PLCH1: variants seen among roughly 807,000 people sequenced by gnomAD.
PLCH1 encodes the protein 1-phosphatidylinositol 4,5-bisphosphate phosphodiesterase eta-1.
A neutral mutation model predicts 126.7 loss-of-function variants in PLCH1; 60 were observed. The ratio of observed to expected loss-of-function variants is 0.47; its 90% CI spans 0.38 to 0.59. The LOEUF (loss-of-function observed/expected upper bound fraction) is 0.59, where lower values mean the gene tolerates loss of function less well. Among genes scored for constraint, PLCH1 ranks in the 20% least tolerant of loss-of-function variants. The pLI is 0.00. For missense variants in PLCH1, 1,723 were observed against 2,040.0 expected (o/e 0.84, Z 2.99); for synonymous variants, 719 against 734.9 (o/e 0.98, Z 0.35).
In PLCH1 at chr3:155,704,198, C is replaced by T. The variant is rs1746486160; in HGVS notation, c.27G>A (p.Arg9=). Residue 9 remains arginine (R), a synonymous_variant, in exon 2 of 23, where the codon AGG becomes AGA. Coordinates refer to ENST00000460012, the MANE Select transcript of PLCH1 (RefSeq NM_014996.4). ...AATGCCTGCGGTACTGCACACAGTT[C>T]CTTTTTTCCAAGTTCCAGTAACTCA... MSYWNLEK[R]NCVQYRRHFL... 5 of 1,230,180 alleles carry T rather than the reference C, an allele frequency of 4.1e-6. No homozygotes were observed. The highest frequency in any genetic ancestry group is 1.6e-5 in the African/African-American group (1 of 64,490). 76.2% of individuals were successfully genotyped at this position (1,230,180 alleles called of 1,614,324 possible).
chr3:155,721,098 G>A lies in PLCH1; in HGVS notation c.-40-16834C>T, dbSNP rs181762011. Among the ~76,000 whole-genome samples the A allele has an allele frequency of 5.1e-4, 77 of 152,242 alleles. 1 individual carries two copies. Among genetic ancestry groups the A allele is most frequent in the East Asian group, 5.8e-4 (3 of 5,186 alleles). ...ATGTGCCTATTTTCATACCAGTGCC[G>A]TGCTGTTTTGGTGACTATGGCCTTG... On this transcript the variant is annotated intron_variant, in intron 1 of 22. Transcript: ENST00000460012.
At chr3:155,691,726 T>C (rs1745398638) in intron 2 of PLCH1, among the ~76,000 whole-genome samples, 1 of 152,250 alleles carries the variant, frequency 6.6e-6, no homozygotes, top group African/African-American at 2.4e-5. Flanking sequence ...CTCCAAATGA[T>C]GGCATTGTTC....
At chr3:155,632,102 G>T (rs1199934130) in intron 2 of PLCH1, among the ~76,000 whole-genome samples, 2 of 152,128 alleles carry the variant, frequency 1.3e-5, no homozygotes, top group Non-Finnish European at 2.9e-5. Context: ...GTTTCACAGT[G>T]GCCATCAGCT....
At chr3:155,655,339 A>G (rs1398762201) in intron 2 of PLCH1, among the ~76,000 whole-genome samples, 1 of 152,060 alleles carries the variant, frequency 6.6e-6, no homozygotes, top group African/African-American at 2.4e-5. Flanking sequence ...GGGAGGTTAG[A>G]ACGATCATTC....
intron 2 of PLCH1, among the ~76,000 whole-genome samples, chr3:155,660,919 C>T (rs1468767698): frequency 6.6e-6 from 1 of 152,224 alleles, no homozygotes; most frequent in Non-Finnish European, 1.5e-5. Context: ...ATATACTCTA[C>T]AGATCATTCC....
chr3:155,457,208 A>G (rs1028544423), intron 21 of PLCH1: 1 of 152,324 alleles, frequency 6.6e-6, no homozygotes, highest in Non-Finnish European at 1.5e-5. Context: ...TTGAACCTCC[A>G]TGCTTCTATG....
chr3:155,580,709 A>G (rs1160737032), intron 6 of PLCH1, among the ~76,000 whole-genome samples: 3 of 152,198 alleles, frequency 2.0e-5, no homozygotes, highest in Non-Finnish European at 4.4e-5. Context: ...TATCTTTACA[A>G]AGGTACTTCT....
chr3:155,654,186 G>A (rs574536151), intron 2 of PLCH1, among the ~76,000 whole-genome samples: 5 of 151,462 alleles, frequency 3.3e-5, no homozygotes, highest in African/African-American at 1.2e-4. Flanking sequence ...ATGGCTCCTG[G>A]GACATCATAT....
chr3:155,684,495 G>A (rs1744783489), intron 2 of PLCH1, among the ~76,000 whole-genome samples: 1 of 152,060 alleles, frequency 6.6e-6, no homozygotes, highest in African/African-American at 2.4e-5. Flanking sequence ...GGTCTCCAAG[G>A]GAGCGGGATG....
chr3:155,483,100 G>A (rs1321975309), intron 22 of PLCH1, 49 bp from the exon 23 acceptor site: 4 of 1,499,818 alleles, frequency 2.7e-6, no homozygotes, highest in Middle Eastern at 2.1e-4. Context: ...CTTTATGTAG[G>A]ACCTGCAAAC....
intron 2 of PLCH1, among the ~76,000 whole-genome samples, chr3:155,681,741 C>T (rs1196823947): frequency 6.6e-6 from 1 of 152,184 alleles, no homozygotes; most frequent in Non-Finnish European, 1.5e-5. Flanking sequence ...GAAACCTCAA[C>T]AAGAATTTTC....
chr3:155,741,686 T>TTTATTTTTTTTTTATTTTTTTA (rs1283892898), intron 1 of PLCH1, among the ~76,000 whole-genome samples: 3 of 124,550 alleles, frequency 2.4e-5, no homozygotes, highest in Non-Finnish European at 5.4e-5. Flanking sequence ...TATATCCTCT[T>TTTATTTTTTTTTTATTTTTTTA]TTTTTTTTTT....
chr3:155,513,412 C>G (rs1298874045), intron 12 of PLCH1, among the ~76,000 whole-genome samples: 1 of 152,116 alleles, frequency 6.6e-6, no homozygotes, highest in African/African-American at 2.4e-5. Context: ...TTTGTTTCTT[C>G]CAAAATATCC....
At chr3:155,454,029 A>G (rs1448899883) in intron 21 of PLCH1, among the ~76,000 whole-genome samples, 1 of 152,152 alleles carries the variant, frequency 6.6e-6, no homozygotes, top group Non-Finnish European at 1.5e-5. Context: ...GAAAGAAGAT[A>G]TAATAGTATG....
At chr3:155,475,284 A>G (rs146079497), downstream of PLCH1, among the ~76,000 whole-genome samples, 221 of 152,158 alleles carry the variant, frequency 1.5e-3, no homozygotes, top group African/African-American at 4.5e-3. Flanking sequence ...GATAATGGAA[A>G]TATAACTTAC....
intron 1 of PLCH1, among the ~76,000 whole-genome samples, chr3:155,730,852 T>C (rs1018701298): frequency 6.6e-6 from 1 of 152,140 alleles, no homozygotes; most frequent in African/African-American, 2.4e-5. Flanking sequence ...TGTGGAGAGA[T>C]ACCCTCTGCT....
chr3:155,616,395 T>A (rs1350268754), intron 2 of PLCH1, among the ~76,000 whole-genome samples: 1 of 152,186 alleles, frequency 6.6e-6, no homozygotes, highest in Non-Finnish European at 1.5e-5. Flanking sequence ...TAAAATGGCA[T>A]CATTTAGTTT....
chr3:155,734,220 A>C (rs1224940057), intron 1 of PLCH1, among the ~76,000 whole-genome samples: 1 of 152,064 alleles, frequency 6.6e-6, no homozygotes, highest in Non-Finnish European at 1.5e-5. Context: ...AGACTTCGGG[A>C]GGCCAAGGTG....
In PLCH1 at chr3:155,601,947, T is replaced by C. The variant is rs556974629; in HGVS notation, c.80-5569A>G. Among the ~76,000 whole-genome samples the C allele has an allele frequency of 2.6e-3, 400 of 152,300 alleles. 9 individuals carry two copies. In the South Asian group the frequency reaches 0.063, roughly 24 times the overall value. On this transcript the variant is annotated intron_variant, in intron 2 of 22. Coordinates refer to ENST00000460012, the MANE Select transcript of PLCH1 (RefSeq NM_014996.4). ...TTCATGTAAATAAAATCATATAATA[T>C]GCAGTCTTTTGTGCTTGGCCTTTCA...
Sources: gnomAD v4.1 joint callset for allele counts (sites outside exome capture counted in the v4.1 genomes callset) on GRCh38, gnomAD v4.1.1 for gene constraint, MANE v1.5 for transcripts, NCBI Gene and HGNC (gene_info 2026-07-23, HGNC 2026-07-21) for gene names.